The following FBLN5 variants were observed in gnomAD, a reference collection of about 807,000 sequenced individuals.
FBLN5 encodes the protein fibulin 5.
FBLN5 carries 24 observed loss-of-function variants against 61.6 expected under a neutral mutation model. The observed-to-expected ratio is 0.39, with a 90% CI of 0.28 to 0.55. The LOEUF is 0.55. Ranked by LOEUF, FBLN5 falls within the 20% of genes least tolerant of loss-of-function variation. FBLN5 has a pLI of 0.65. For missense variants in FBLN5, 470 were observed against 594.1 expected (o/e 0.79, Z 2.17); for synonymous variants, 213 against 219.8 (o/e 0.97, Z 0.27).
At position 91,883,650 on chromosome 14, in the gene FBLN5, AAAAAAAC is replaced by A. The variant is rs1308691092; in HGVS notation, c.740-581_740-575del. ...TATATTAAAACTTCACTGTGTAAAA[AAAAAAAC>A]AAAAAAAACACACACACACAAAAAC... is the stretch of plus-strand genomic sequence containing the variant. On this transcript the variant is annotated intron_variant, in intron 7 of 10. Transcript: ENST00000342058. 1.9e-3 allele frequency among the ~76,000 whole-genome samples: 290 copies of A among 149,888 alleles called. 3 individuals carry two copies. Among genetic ancestry groups the A allele is most frequent in the African/African-American group, 6.4e-3 (264 of 41,092 alleles).
rs115794110 is a variant in FBLN5 at position 91,922,933 on chromosome 14, A to T, written c.379+14014T>A. ...TTTAAGCCTAAAGGAGACTTTGACCAGGACCCTGAGAACATGGAGGTGATG... is the reference window on the plus strand; with the variant it reads ...TTTAAGCCTAAAGGAGACTTTGACCTGGACCCTGAGAACATGGAGGTGATG... On this transcript the variant is annotated intron_variant, in intron 4 of 10. Transcript: ENST00000342058. Among the ~76,000 whole-genome samples, 560 of 152,284 alleles carry T rather than the reference A, an allele frequency of 3.7e-3. 3 individuals are homozygous for T. Among genetic ancestry groups the T allele is most frequent in the African/African-American group, 0.013 (529 of 41,558 alleles).
intron 4 of FBLN5, among the ~76,000 whole-genome samples, chr14:91,897,802 C>T (rs1342247578): frequency 6.6e-6 from 1 of 152,186 alleles, no homozygotes; most frequent in Non-Finnish European, 1.5e-5. Flanking sequence ...AATCCCAGCA[C>T]GTTGGGAGGC....
intron 4 of FBLN5, among the ~76,000 whole-genome samples, chr14:91,932,788 C>G (rs2140041290): frequency 6.6e-6 from 1 of 152,340 alleles, no homozygotes; most frequent in South Asian, 2.1e-4. Context: ...TTCTACAGAA[C>G]AAGCAGCTCA....
intron 1 of FBLN5, among the ~76,000 whole-genome samples, chr14:91,944,960 G>A (rs1040278059): frequency 6.6e-6 from 1 of 152,232 alleles, no homozygotes; most frequent in Admixed American, 6.5e-5. Context: ...GCTGGGCATG[G>A]TGGCTCCCAC....
In FBLN5 at chr14:91,947,093, C is replaced by T. The variant is rs983739629; in HGVS notation, c.17+120G>A. The T allele has an allele frequency of 1.4e-5, 22 of 1,552,450 alleles. No homozygotes were observed. The African/African-American group carries it at 3.0e-4, about 21-fold the overall frequency. On this transcript the variant is annotated intron_variant, in intron 1 of 10. Transcript: ENST00000342058. This position sits in a 1 kb window ranked among gnomAD's most constrained non-coding sequence, Gnocchi z 4.3. ...TAACAATATCATTGCATCACTAGCT[C>T]ATGCCTTTTCCAATATCCTGACACC... is the stretch of plus-strand genomic sequence containing the variant.
At position 91,870,340 on chromosome 14, in the gene FBLN5, T is replaced by C; in HGVS notation, c.1231A>G (p.Lys411Glu). The change falls in exon 11 of 11, where the codon AAA (lysine) becomes GAA (glutamate). Residue 411 changes from lysine to glutamate, a missense_variant. By Grantham distance (56) the Lys-to-Glu change is moderately conservative (BLOSUM62 1). Coordinates refer to ENST00000342058, the MANE Select transcript of FBLN5 (RefSeq NM_006329.4). ...SATLVMTRPI[K>E]GPREIQLDLE... ...TCCAGCTGGATTTCCCGGGGCCCTT[T>C]GATGGGGCGTGTCATCACCAGGGTG... The C allele has an allele frequency of 3.1e-6, 5 of 1,614,070 alleles. No individual in the cohort carries two copies. The highest frequency in any genetic ancestry group is 4.2e-6 in the Non-Finnish European group (5 of 1,179,916).
At chr14:91,919,386 AAAGAAAGGAAGGAAGGAAGG>A (rs1359444516) in intron 4 of FBLN5, among the ~76,000 whole-genome samples, 6 of 94,818 alleles carry the variant, frequency 6.3e-5, no homozygotes, top group African/African-American at 2.1e-4. Flanking sequence ...GAAAAGAAAG[AAAGAAAGGAAGGAAGGAAGG>A]AAGGAAGGAA....
At chr14:91,914,344 G>A (rs144073667) in intron 4 of FBLN5, among the ~76,000 whole-genome samples, 3,860 of 152,076 alleles carry the variant, frequency 0.025, 174 homozygotes, top group African/African-American at 0.087. Context: ...CGAGCGTGGT[G>A]GCAGGCGCCT....
At chr14:91,877,866 T>C (rs1889244288) in intron 9 of FBLN5, 184 bp from the exon 10 acceptor site, 5 of 672,202 alleles carry the variant, frequency 7.4e-6, no homozygotes, top group Non-Finnish European at 2.7e-6. Context: ...GCGAGCTCTG[T>C]TTCCTAGAGA....
In FBLN5 at chr14:91,930,223, A is replaced by G. The variant is rs2055900328; in HGVS notation, c.379+6724T>C. Among the ~76,000 whole-genome samples, 5 of 152,332 alleles carry G rather than the reference A, an allele frequency of 3.3e-5. No individual in the cohort carries two copies. The South Asian group carries it at 1.0e-3, about 32-fold the overall frequency. On this transcript the variant is annotated intron_variant, in intron 4 of 10. Coordinates refer to ENST00000342058, the MANE Select transcript of FBLN5 (RefSeq NM_006329.4). ...CCTCGATGTTAGACAATTTGCATGC[A>G]TATCTCACTTAATTCTCCAAATTTC... is the stretch of plus-strand genomic sequence containing the variant.
chr14:91,887,128 T>C, intron 7 of FBLN5, 65 bp downstream of exon 7: 2 of 1,581,162 alleles, frequency 1.3e-6, no homozygotes, highest in Non-Finnish European at 1.7e-6. Context: ...AAGGAAGCCC[T>C]TGCCCTTCAA....
chr14:91,918,052 C>T (rs972749211), intron 4 of FBLN5, among the ~76,000 whole-genome samples: 1 of 152,164 alleles, frequency 6.6e-6, no homozygotes, highest in African/African-American at 2.4e-5. Context: ...CCTGTACCAC[C>T]CATGAACCAG....
At chr14:91,939,403 G>C (rs1051205137) in intron 3 of FBLN5, among the ~76,000 whole-genome samples, 1 of 147,586 alleles carries the variant, frequency 6.8e-6, no homozygotes, top group African/African-American at 2.5e-5. Flanking sequence ...ACAGTGGTGC[G>C]ATCTCAGCTC....
chr14:91,946,824 C>T (rs765124025), intron 1 of FBLN5: 60 of 1,530,270 alleles, frequency 3.9e-5, no homozygotes, highest in Non-Finnish European at 5.1e-5. Context: ...GTCTGCTTGT[C>T]TATCAGCCGA....
intron 4 of FBLN5, among the ~76,000 whole-genome samples, chr14:91,932,190 T>C (rs2055935967): frequency 6.6e-6 from 1 of 152,216 alleles, no homozygotes; most frequent in South Asian, 2.1e-4. Flanking sequence ...CCCATCACTG[T>C]CATGCCAAGA....
chr14:91,942,024 A>G (rs2056113398), intron 2 of FBLN5: 1 of 377,212 alleles, frequency 2.7e-6, no homozygotes, highest in African/African-American at 2.1e-5. Flanking sequence ...GAAGAGAGAA[A>G]ATGCTCCCCT....
chr14:91,939,566 T>C (rs746099078), intron 3 of FBLN5, among the ~76,000 whole-genome samples: 23 of 152,180 alleles, frequency 1.5e-4, no homozygotes, highest in Non-Finnish European at 4.4e-5. Context: ...GGTCTCGCAC[T>C]CCTGCCCTCA....
chr14:91,935,282 T>C (rs913730911), intron 4 of FBLN5, among the ~76,000 whole-genome samples: 1 of 152,186 alleles, frequency 6.6e-6, no homozygotes, highest in African/African-American at 2.4e-5. Context: ...GGGAGACACT[T>C]TGGAGAAAGC....
intron 6 of FBLN5, among the ~76,000 whole-genome samples, chr14:91,890,171 A>G (rs936706007): frequency 6.6e-6 from 1 of 152,258 alleles, no homozygotes; most frequent in Non-Finnish European, 1.5e-5. Flanking sequence ...TGGAACAATT[A>G]GCAGAACAAG....
Sources: gnomAD v4.1 joint callset for allele counts (sites outside exome capture counted in the v4.1 genomes callset) on GRCh38, gnomAD v4.1.1 for gene constraint, Gnocchi (gnomAD v3.1) non-coding constraint, MANE v1.5 for transcripts, NCBI Gene and HGNC (gene_info 2026-07-23, HGNC 2026-07-21) for gene names.